Variants in MIB1 observed in about 807,000 individuals in gnomAD.
The protein encoded by MIB1 is MIB E3 ubiquitin protein ligase 1, also known as E3 ubiquitin-protein ligase MIB1.
Under a neutral mutation model 124.5 loss-of-function variants are expected in MIB1, and 278 were observed. The ratio of observed to expected loss-of-function variants is 2.23; its 90% confidence interval spans 2.02 to 2.47. The LOEUF (loss-of-function observed/expected upper bound fraction) is 2.47, where lower values mean the gene tolerates loss of function less well. MIB1 is among the 30% of genes most tolerant of loss of function. The pLI is 0.00. For synonymous variants in MIB1, 446 were observed against 429.4 expected (o/e 1.04, Z -0.48); for missense variants, 957 against 1,254.4 (o/e 0.76, Z 3.58).
rs2041250512 is a variant in MIB1, at chr18:21,773,846, CTA to C, written c.636+120_636+121del. The stretch of plus-strand genomic sequence containing the variant: ...CTTTGTCAGAACCTTTACGTTTTTA[CTA>C]TGTTTCTCTAAACTATTTAATAGTA... On this transcript the variant is annotated intron_variant, in intron 4 of 20. Coordinates refer to ENST00000261537, the MANE Select transcript of MIB1 (RefSeq NM_020774.4). 4 of 585,414 alleles carry C rather than the reference CTA, an allele frequency of 6.8e-6. No homozygotes were observed. In the South Asian group the frequency reaches 1.1e-4, roughly 16 times the overall value. The allele number at this position is 585,414 out of a possible 1,614,324, so 36.3% of individuals were successfully genotyped here.
chr18:21,787,149 C>G (rs1024014458), intron 6 of MIB1, among the ~76,000 whole-genome samples: 1 of 152,020 alleles, frequency 6.6e-6, no homozygotes, highest in African/African-American at 2.4e-5. Flanking sequence ...CTTTTCAGAG[C>G]TAAATGGTGC....
At chr18:21,731,948 T>C (rs891962256) in intron 1 of MIB1, among the ~76,000 whole-genome samples, 3 of 151,850 alleles carry the variant, frequency 2.0e-5, no homozygotes, top group Middle Eastern at 3.4e-3. Flanking sequence ...GAACGGAGGG[T>C]ACTGGGAATT....
At chr18:21,786,340 G>A (rs1344824198) in intron 6 of MIB1, among the ~76,000 whole-genome samples, 2 of 152,080 alleles carry the variant, frequency 1.3e-5, no homozygotes, top group African/African-American at 2.4e-5. Flanking sequence ...CTTGTGATCC[G>A]CCCGCCTCGG....
At chr18:21,813,925 T>A (rs1430873957) in intron 10 of MIB1, among the ~76,000 whole-genome samples, 1 of 152,142 alleles carries the variant, frequency 6.6e-6, no homozygotes, top group African/African-American at 2.4e-5. Flanking sequence ...AAATTTGCAA[T>A]GCAGTATTGG....
At chr18:21,738,451 G>T (rs1202067340), upstream of MIB1, among the ~76,000 whole-genome samples, 2 of 152,124 alleles carry the variant, frequency 1.3e-5, no homozygotes, top group Non-Finnish European at 2.9e-5. Flanking sequence ...GAAATTTATA[G>T]CACTAAATGC....
At chr18:21,835,864 A>G (rs370035263) in intron 12 of MIB1, among the ~76,000 whole-genome samples, 21 of 126,864 alleles carry the variant, frequency 1.7e-4, no homozygotes, top group South Asian at 8.4e-4. Context: ...GTATTGGGAA[A>G]GAGGAGGGGG....
intron 18 of MIB1, among the ~76,000 whole-genome samples, chr18:21,856,236 C>CAAAAAAAA (rs5823315): frequency 0.067 from 8,195 of 121,574 alleles, 389 homozygotes; most frequent in African/African-American, 0.098. Flanking sequence ...GACTCCGTCT[C>CAAAAAAAA]AAAAAAAAAA....
chr18:21,805,055 C>T (rs2041688549), intron 10 of MIB1, among the ~76,000 whole-genome samples: 1 of 152,016 alleles, frequency 6.6e-6, no homozygotes, highest in Admixed American at 6.6e-5. Context: ...CTCTGTTGCC[C>T]AGGCTGAAGT....
intron 11 of MIB1, 44 bp from the exon 12 acceptor site, chr18:21,819,451 G>A (rs778517780): frequency 1.6e-6 from 2 of 1,264,524 alleles, no homozygotes; most frequent in South Asian, 2.8e-5. Flanking sequence ...TATTAGATGG[G>A]ATAATTAATT....
chr18:21,744,650 ATC>A, intron 1 of MIB1, among the ~76,000 whole-genome samples: 2 of 152,326 alleles, frequency 1.3e-5, no homozygotes, highest in South Asian at 4.1e-4. Flanking sequence ...CAATCTTGTT[ATC>A]TCTCAAATTG....
chr18:21,760,216 G>C (rs755872167), intron 1 of MIB1, among the ~76,000 whole-genome samples: 6 of 152,206 alleles, frequency 3.9e-5, no homozygotes, highest in Non-Finnish European at 5.9e-5. Context: ...AGGAAAAACT[G>C]TTGCCAGGGC....
At chr18:21,857,389 T>G (rs1243680102) in intron 19 of MIB1, 146 bp downstream of exon 19, 5 of 612,510 alleles carry the variant, frequency 8.2e-6, no homozygotes, top group Non-Finnish European at 1.5e-5. Context: ...TGTTTTCTGG[T>G]GCTCTTATTA....
chr18:21,726,702 A>G (rs896687418), intron 1 of MIB1, among the ~76,000 whole-genome samples: 2 of 152,188 alleles, frequency 1.3e-5, no homozygotes, highest in African/African-American at 4.8e-5. Context: ...GGGAGTGGCT[A>G]TGTAGATTGA....
At position 21,760,503 on chromosome 18, in the gene MIB1, G is replaced by C. The variant is rs140484622; in HGVS notation, c.230-5269G>C. On this transcript the variant is annotated intron_variant, in intron 1 of 20. Transcript: ENST00000261537. ...TGTTTCACAGCTGTTCAGTAGCTTTGTTGGCATTTGAAGTGTGGGAACCAA... is the reference window on the plus strand; with the variant it reads ...TGTTTCACAGCTGTTCAGTAGCTTTCTTGGCATTTGAAGTGTGGGAACCAA... 8.5e-3 allele frequency among the ~76,000 whole-genome samples: 1,296 copies of C among 152,268 alleles called. 9 individuals carry two copies. Among genetic ancestry groups the C allele is most frequent in the Non-Finnish European group, 0.015 (988 of 68,014 alleles).
intron 12 of MIB1, among the ~76,000 whole-genome samples, chr18:21,837,320 AAC>A (rs1208403490): frequency 6.6e-6 from 1 of 152,204 alleles, no homozygotes; most frequent in African/African-American, 2.4e-5. Context: ...CATCCTGGCT[AAC>A]ACGGTGAAAC....
At chr18:21,752,886 G>A (rs1011753798) in intron 1 of MIB1, among the ~76,000 whole-genome samples, 3 of 152,122 alleles carry the variant, frequency 2.0e-5, no homozygotes, top group African/African-American at 7.2e-5. Flanking sequence ...GGAATTAAAA[G>A]TTTATATACA....
chr18:21,816,898 G>T lies in MIB1; in HGVS notation c.1677+1085G>T, dbSNP rs746474513. ...GGAGGATGAGGGAAGAATTGGGGGG[G>T]TGTTAATCTGTAAGGAGAGGTGATT... On this transcript the variant is annotated intron_variant, in intron 11 of 20. Transcript: ENST00000261537. Among the ~76,000 whole-genome samples the T allele has an allele frequency of 8.0e-4, 121 of 152,092 alleles. 1 individual carries two copies. The highest frequency in any genetic ancestry group is 4.4e-3 in the South Asian group (21 of 4,816).
At chr18:21,793,407 T>A (rs894135084) in intron 7 of MIB1, among the ~76,000 whole-genome samples, 5 of 152,142 alleles carry the variant, frequency 3.3e-5, no homozygotes, top group Non-Finnish European at 7.3e-5. Flanking sequence ...AGATAAAATT[T>A]AGAAGGGATC....
chr18:21,841,752 C>T (rs879811872), intron 13 of MIB1, among the ~76,000 whole-genome samples: 2 of 152,070 alleles, frequency 1.3e-5, no homozygotes, highest in Non-Finnish European at 2.9e-5. Flanking sequence ...GACACCTTTC[C>T]AAGCAAATAC....
Sources: allele counts gnomAD v4.1 joint callset (sites outside exome capture counted in the v4.1 genomes callset), GRCh38; gene constraint gnomAD v4.1.1; transcripts MANE v1.5; gene names NCBI Gene and HGNC (gene_info 2026-07-23, HGNC 2026-07-21).